Variants in DYTN observed in about 807,000 individuals in gnomAD.
The protein encoded by DYTN is dystrotelin.
DYTN carries 75 observed loss-of-function variants against 69.6 expected under a neutral mutation model. That is an observed-to-expected ratio of 1.08 (90% CI 0.89 to 1.31). The LOEUF (loss-of-function observed/expected upper bound fraction) is 1.31. Among genes scored for constraint, DYTN ranks in the 50% most tolerant of loss-of-function variants. The probability of loss-of-function intolerance (pLI) is 0.00; values close to 1 mark genes in which losing one functional copy is unlikely to be tolerated. For synonymous variants in DYTN, 252 were observed against 249.1 expected, an observed-to-expected ratio of 1.01 and a Z score of -0.11; for missense variants, 726 against 688.4, an observed-to-expected ratio of 1.05 and a Z score of -0.61.
Position 206,651,701 on chromosome 2 carries a change from T to C in DYTN, c.*117A>G. 4 of 926,318 alleles carry C rather than the reference T, an allele frequency of 4.3e-6. No homozygotes were observed. The highest frequency in any genetic ancestry group is 6.5e-6 in the Non-Finnish European group (4 of 616,446). The allele number at this position is 926,318 out of a possible 1,614,324, so 57.4% of individuals were successfully genotyped here. On this transcript the variant is annotated 3_prime_UTR_variant, in exon 12 of 12. Coordinates refer to ENST00000452335, the MANE Select transcript of DYTN (RefSeq NM_001093730.1). ...GGGAGATCAAAAAACAAAACCTGTT[T>C]TCTTCATAGTTCACACTAAACTATT...
At chr2:206,653,697 C>T (rs1361392002) in intron 11 of DYTN, among the ~76,000 whole-genome samples, 1 of 152,204 alleles carries the variant, frequency 6.6e-6, no homozygotes, top group Non-Finnish European at 1.5e-5. Flanking sequence ...AATAGCTACT[C>T]TGTACTAAGA....
At chr2:206,655,587 AT>A (rs146939602) in intron 11 of DYTN, among the ~76,000 whole-genome samples, 14,593 of 138,174 alleles carry the variant, frequency 0.11, 697 homozygotes, top group East Asian at 0.2. Flanking sequence ...TTAAAAAAAA[AT>A]TTTTTTTTTT....
chr2:206,699,459 G>T (rs535231656), intron 7 of DYTN, among the ~76,000 whole-genome samples: 2 of 152,168 alleles, frequency 1.3e-5, no homozygotes, highest in South Asian at 4.2e-4. Context: ...ACAAAACAAA[G>T]ACAAAATGTA....
At chr2:206,660,624 C>T (rs1298114730) in intron 11 of DYTN, among the ~76,000 whole-genome samples, 1 of 152,184 alleles carries the variant, frequency 6.6e-6, no homozygotes, top group Non-Finnish European at 1.5e-5. Context: ...CTCATCATGA[C>T]CCCAAAAATG....
At chr2:206,674,164 A>C (rs1160986116) in intron 9 of DYTN, among the ~76,000 whole-genome samples, 1 of 152,144 alleles carries the variant, frequency 6.6e-6, no homozygotes, top group Non-Finnish European at 1.5e-5. Context: ...TATTTTGAGG[A>C]TATTATAGAT....
intron 2 of DYTN, among the ~76,000 whole-genome samples, chr2:206,708,136 A>G (rs1393088942): frequency 6.6e-6 from 1 of 152,232 alleles, no homozygotes; most frequent in African/African-American, 2.4e-5. Flanking sequence ...GCACTTAATA[A>G]AACTACAGCT....
Position 206,680,867 on chromosome 2 carries a change from C to T in DYTN, c.980+12308G>A, listed in dbSNP as rs1431399833. Reference sequence around the variant, plus strand: ...TCCCTCAAACAAATGGGTATACAGGCTCTTTTTTGGTTCCATATGAAATTT... The same window carrying T: ...TCCCTCAAACAAATGGGTATACAGGTTCTTTTTTGGTTCCATATGAAATTT... On this transcript the variant is annotated intron_variant, in intron 9 of 11. Transcript: ENST00000452335. Among the ~76,000 whole-genome samples, 3 of 152,142 alleles carry T rather than the reference C, an allele frequency of 2.0e-5. No homozygotes were observed. In the East Asian group the frequency reaches 5.8e-4, roughly 29 times the overall value.
At chr2:206,709,941 G>GAGAAA (rs892562315) in intron 2 of DYTN, among the ~76,000 whole-genome samples, 3 of 151,972 alleles carry the variant, frequency 2.0e-5, no homozygotes, top group Admixed American at 1.3e-4. Context: ...ATAACAGTAG[G>GAGAAA]AGAAAAGAAA....
chr2:206,669,090 C>T (rs1699604742), intron 9 of DYTN, among the ~76,000 whole-genome samples: 2 of 152,224 alleles, frequency 1.3e-5, no homozygotes, highest in African/African-American at 2.4e-5. Flanking sequence ...TTACCTAGCA[C>T]AGTGTAGACT....
chr2:206,679,856 C>A (rs867624605), intron 9 of DYTN, among the ~76,000 whole-genome samples: 24 of 152,262 alleles, frequency 1.6e-4, no homozygotes, highest in Middle Eastern at 3.4e-3. Flanking sequence ...TTGTAACAAA[C>A]CTTCTGAATG....
At chr2:206,713,970 T>C (rs2105903505) in intron 1 of DYTN, among the ~76,000 whole-genome samples, 1 of 152,340 alleles carries the variant, frequency 6.6e-6, no homozygotes, top group Non-Finnish European at 1.5e-5. Context: ...TCTCCAGCCT[T>C]GGAACAGGCC....
intron 11 of DYTN, among the ~76,000 whole-genome samples, chr2:206,660,706 C>A (rs1270862875): frequency 6.6e-6 from 1 of 152,144 alleles, no homozygotes; most frequent in Admixed American, 6.5e-5. Context: ...CCATCCCTTG[C>A]CTTTTGAGCA....
Position 206,699,827 on chromosome 2 carries a change from G to A in DYTN, c.619C>T (p.Leu207Phe). 1.9e-6 allele frequency: 3 copies of A among 1,613,896 alleles called. No homozygotes were observed. Among genetic ancestry groups the A allele is most frequent in the Non-Finnish European group, 2.5e-6 (3 of 1,179,832 alleles). ...CGGTGGCAGGTCGGGAGCCACAGGA[G>A]GATGGGAGGCTCAGATTGGACCCAA... ...LSWVQSEPPI[L>F]LWLPTCHRLS... Residue 207 changes from leucine to phenylalanine, a missense_variant, in exon 7 of 12, where the codon CTC becomes TTC. By Grantham distance (22) the Leu-to-Phe change is conservative. Coordinates refer to ENST00000452335, the MANE Select transcript of DYTN (RefSeq NM_001093730.1).
At chr2:206,715,278 G>A (rs1328760841) in intron 1 of DYTN, among the ~76,000 whole-genome samples, 1 of 152,144 alleles carries the variant, frequency 6.6e-6, no homozygotes, top group Non-Finnish European at 1.5e-5. Flanking sequence ...GAAACTGGGT[G>A]CCTGTCCAGG....
At chr2:206,674,969 C>T (rs893540620) in intron 9 of DYTN, among the ~76,000 whole-genome samples, 3 of 151,670 alleles carry the variant, frequency 2.0e-5, no homozygotes, top group African/African-American at 7.3e-5. Flanking sequence ...AATGCCCCCA[C>T]TAAATCTACT....
At chr2:206,671,375 G>A (rs865989949) in intron 9 of DYTN, among the ~76,000 whole-genome samples, 20 of 152,284 alleles carry the variant, frequency 1.3e-4, no homozygotes, top group Middle Eastern at 3.4e-3. Context: ...ACTTAAAGTC[G>A]CATTCTCTGG....
intron 5 of DYTN, among the ~76,000 whole-genome samples, chr2:206,703,610 A>G (rs1371570157): frequency 2.0e-5 from 3 of 152,252 alleles, no homozygotes; most frequent in African/African-American, 7.2e-5. Flanking sequence ...AACACAAAAT[A>G]TTAATATTGA....
chr2:206,677,193 C>T (rs1229974110), intron 9 of DYTN, among the ~76,000 whole-genome samples: 1 of 152,182 alleles, frequency 6.6e-6, no homozygotes, highest in Non-Finnish European at 1.5e-5. Flanking sequence ...AGTGATCTGC[C>T]TGCCTCAGCC....
Position 206,651,623 on chromosome 2 carries a change from G to A in DYTN, c.*195C>T. On this transcript the variant is annotated 3_prime_UTR_variant, in exon 12 of 12. Coordinates refer to ENST00000452335, the MANE Select transcript of DYTN (RefSeq NM_001093730.1). ...TCCTTCTTCATCCTCTACTCGCCCT[G>A]CTAACCCCCAACCTTCACTCTGAAC... is the stretch of plus-strand genomic sequence containing the variant. 1 of 531,570 alleles carries A rather than the reference G, an allele frequency of 1.9e-6. No homozygotes were observed. Among genetic ancestry groups the A allele is most frequent in the South Asian group, 2.3e-5 (1 of 43,686 alleles). 32.9% of individuals were successfully genotyped at this position (531,570 alleles called of 1,614,324 possible). A position where few individuals can be genotyped will look rare whatever the true frequency, so the allele number is the denominator to read the frequency against.
Sources: allele counts gnomAD v4.1 joint callset (sites outside exome capture counted in the v4.1 genomes callset), GRCh38; gene constraint gnomAD v4.1.1; transcripts MANE v1.5; gene names NCBI Gene and HGNC (gene_info 2026-07-23, HGNC 2026-07-21).